The following SVEP1 variants were observed in gnomAD, a reference collection of about 807,000 sequenced individuals.
SVEP1 encodes sushi, von Willebrand factor type A, EGF and pentraxin domain-containing protein 1.
A neutral mutation model predicts 367.3 loss-of-function variants in SVEP1; 164 were observed. The observed-to-expected ratio is 0.45, with a 90% CI of 0.39 to 0.51. The LOEUF (loss-of-function observed/expected upper bound fraction) is 0.51, where lower values mean the gene tolerates loss of function less well. Ranked by LOEUF, SVEP1 falls within the 20% of genes least tolerant of loss-of-function variation. The pLI is 0.00. For synonymous variants in SVEP1, 1,666 were observed against 1,611.6 expected, an observed-to-expected ratio of 1.03 and a Z score of -0.81; for missense variants, 4,117 against 4,425.3, an observed-to-expected ratio of 0.93 and a Z score of 1.98.
intron 3 of SVEP1, among the ~76,000 whole-genome samples, chr9:110,544,327 T>C (rs555937592): frequency 7.9e-5 from 12 of 152,272 alleles, no homozygotes; most frequent in African/African-American, 2.6e-4. Context: ...CAAATTTTCC[T>C]TGTGGGTGTT....
At chr9:110,512,483 A>G (rs1408541520) in intron 5 of SVEP1, among the ~76,000 whole-genome samples, 4 of 151,742 alleles carry the variant, frequency 2.6e-5, no homozygotes, top group African/African-American at 9.7e-5. Context: ...CAAATTCTCT[A>G]CTTTCTATAA....
At position 110,459,015 on chromosome 9, in the gene SVEP1, G is replaced by A. The variant is rs915129010; in HGVS notation, c.3421C>T (p.Leu1141=). Residue 1141 remains leucine, a synonymous_variant, in exon 19 of 48, where the codon CTG becomes TTG. Coordinates refer to ENST00000374469, the MANE Select transcript of SVEP1 (RefSeq NM_153366.4). Reference sequence around the variant, plus strand: ...GTAGTTCCATAAAAGGGACAGGCCAGGCAGAAGGCCTTCCCTGCATTAGGT... The same window carrying A: ...GTAGTTCCATAAAAGGGACAGGCCAAGCAGAAGGCCTTCCCTGCATTAGGT... ...YQPNAGKAFC[L]ACPFYGTTPF... The A allele has an allele frequency of 6.2e-7, 1 of 1,613,868 alleles. No homozygotes were observed. The highest frequency in any genetic ancestry group is 8.5e-7 in the Non-Finnish European group (1 of 1,179,782).
chr9:110,524,081 T>C (rs995927864), intron 3 of SVEP1, among the ~76,000 whole-genome samples: 1 of 152,062 alleles, frequency 6.6e-6, no homozygotes, highest in Non-Finnish European at 1.5e-5. Flanking sequence ...CATCAAAAAT[T>C]ATAAACTATG....
intron 27 of SVEP1, among the ~76,000 whole-genome samples, chr9:110,438,120 G>A (rs1828457829): frequency 6.6e-6 from 1 of 150,380 alleles, no homozygotes; most frequent in Admixed American, 6.6e-5. Flanking sequence ...TATTGTTGAA[G>A]GTGTTGTGAG....
chr9:110,392,528 G>A (rs1157856686), intron 40 of SVEP1, among the ~76,000 whole-genome samples: 1 of 152,104 alleles, frequency 6.6e-6, no homozygotes, highest in African/African-American at 2.4e-5. Flanking sequence ...CAGCAGCCAT[G>A]GATGATCATA....
intron 45 of SVEP1, chr9:110,376,823 ATTTTC>A (rs1827357204): frequency 6.6e-6 from 1 of 152,580 alleles, no homozygotes; most frequent in African/African-American, 2.4e-5. Flanking sequence ...AGCTTTTCTT[ATTTTC>A]TTAATGAGTA....
intron 2 of SVEP1, among the ~76,000 whole-genome samples, chr9:110,549,305 C>G (rs1830254979): frequency 6.6e-6 from 1 of 151,934 alleles, no homozygotes; most frequent in African/African-American, 2.4e-5. Flanking sequence ...GCACAGAAAG[C>G]TCTAATAATG....
At chr9:110,473,001 A>G (rs1316685855) in intron 14 of SVEP1, among the ~76,000 whole-genome samples, 1 of 152,148 alleles carries the variant, frequency 6.6e-6, no homozygotes, top group Non-Finnish European at 1.5e-5. Flanking sequence ...CAGTTTCTTG[A>G]TTTATAAATT....
At chr9:110,477,424 C>G (rs1265652115) in intron 13 of SVEP1, among the ~76,000 whole-genome samples, 2 of 152,198 alleles carry the variant, frequency 1.3e-5, no homozygotes, top group Non-Finnish European at 2.9e-5. Flanking sequence ...CTGTACTACA[C>G]AGTCAACTAA....
chr9:110,504,209 C>T (rs1453917937), intron 5 of SVEP1, among the ~76,000 whole-genome samples: 1 of 137,752 alleles, frequency 7.3e-6, no homozygotes, highest in Non-Finnish European at 1.6e-5. Context: ...CGCCCTCTAC[C>T]ACGCCCGGCT....
chr9:110,438,021 A>T (rs759346710), intron 27 of SVEP1, among the ~76,000 whole-genome samples: 9 of 151,864 alleles, frequency 5.9e-5, no homozygotes, highest in Non-Finnish European at 1.3e-4. Flanking sequence ...ATTTCTTTCC[A>T]GTTTTTATTT....
rs535494842 is a variant in SVEP1 at position 110,408,834 on chromosome 9, G to A, written c.6766C>T (p.Pro2256Ser). Residue 2256 changes from proline to serine, a missense_variant, in exon 38 of 48, where the codon CCT (proline) becomes TCT (serine). Physicochemically the swap from Pro to Ser is moderately conservative, Grantham distance 74. This residue lies in a region of SVEP1 where 1,765 missense variants were observed against 1,781.1 expected (regional missense o/e 0.99). Coordinates refer to ENST00000374469, the MANE Select transcript of SVEP1 (RefSeq NM_153366.4). Reference protein sequence around the residue: ...QANRHWHSESPLMCVPLDCGK... With the variant: ...QANRHWHSESSLMCVPLDCGK... ...CAGTCGAGAGGAACACACATCAGAG[G>A]GGATTCACTGTGCCAGTGGCGATTG... The A allele has an allele frequency of 1.7e-5, 28 of 1,613,220 alleles. No homozygotes were observed. Among genetic ancestry groups the A allele is most frequent in the Non-Finnish European group, 2.4e-5 (28 of 1,179,872 alleles).
At chr9:110,390,215 TTG>T (rs1827620425) in intron 40 of SVEP1, among the ~76,000 whole-genome samples, 2 of 63,060 alleles carry the variant, frequency 3.2e-5, no homozygotes, top group Non-Finnish European at 3.3e-5. Context: ...ATGTATATAC[TTG>T]TATATATACT....
intron 41 of SVEP1, among the ~76,000 whole-genome samples, 174 bp downstream of exon 41, chr9:110,389,350 A>G (rs1009361906): frequency 1.3e-5 from 2 of 152,112 alleles, no homozygotes; most frequent in African/African-American, 4.8e-5. Context: ...ACAGTTTTTG[A>G]CCCTTTTATT....
At chr9:110,388,082 A>G (rs1448605954) in intron 41 of SVEP1, among the ~76,000 whole-genome samples, 2 of 152,204 alleles carry the variant, frequency 1.3e-5, no homozygotes, top group Admixed American at 1.3e-4. Flanking sequence ...AAGTTAAATA[A>G]TTTGGTCAAG....
intron 3 of SVEP1, among the ~76,000 whole-genome samples, chr9:110,542,291 A>G (rs1026251097): frequency 4.6e-5 from 7 of 152,128 alleles, no homozygotes; most frequent in African/African-American, 1.7e-4. Flanking sequence ...TGTTATCTTG[A>G]GCAACATACT....
In SVEP1 at chr9:110,408,023, C is replaced by T. The variant is rs746395068; in HGVS notation, c.7577G>A (p.Arg2526Gln). 1.3e-5 allele frequency: 21 copies of T among 1,613,862 alleles called. No individual in the cohort carries two copies. Among genetic ancestry groups the T allele is most frequent in the African/African-American group, 1.3e-5 (1 of 74,926 alleles). Residue 2526 changes from arginine (R) to glutamine (Q), a missense_variant, in exon 38 of 48, where the codon CGA (arginine) becomes CAA (glutamine). Coordinates refer to ENST00000374469, the MANE Select transcript of SVEP1 (RefSeq NM_153366.4). ...YGQTVTYSCN[R>Q]GFRLEGPSAL... Reference sequence around the variant, plus strand: ...ACTGGGACCTTCGAGCCGAAAGCCTCGGTTGCAAGAGTAGGTAACGGTCTG... The same window carrying T: ...ACTGGGACCTTCGAGCCGAAAGCCTTGGTTGCAAGAGTAGGTAACGGTCTG...
intron 1 of SVEP1, among the ~76,000 whole-genome samples, chr9:110,573,792 T>C (rs1174021278): frequency 6.6e-6 from 1 of 152,172 alleles, no homozygotes; most frequent in Non-Finnish European, 1.5e-5. Context: ...TATGAGATAA[T>C]TACTCACCCA....
At chr9:110,466,178 G>A (rs73655351) in intron 17 of SVEP1, among the ~76,000 whole-genome samples, 152 bp from the exon 18 acceptor site, 8,710 of 152,236 alleles carry the variant, frequency 0.057, 319 homozygotes, top group African/African-American at 0.11. Context: ...CTAAGCATAC[G>A]CATATTGTGG....
Sources: gnomAD v4.1 joint callset for allele counts (sites outside exome capture counted in the v4.1 genomes callset) on GRCh38, gnomAD v4.1.1 for gene constraint, gnomAD v4.1.1 regional missense constraint, MANE v1.5 for transcripts, NCBI Gene and HGNC (gene_info 2026-07-23, HGNC 2026-07-21) for gene names.